TTN: variants seen among roughly 807,000 people sequenced by gnomAD.
The protein encoded by TTN is titin.
TTN carries 1,525 observed loss-of-function variants against 3,223.0 expected under a neutral mutation model. The observed-to-expected ratio is 0.47, with a 90% CI of 0.45 to 0.49. The LOEUF (loss-of-function observed/expected upper bound fraction) is 0.49. Among genes scored for constraint, TTN ranks in the 20% least tolerant of loss-of-function variants. The pLI, the probability that TTN is intolerant of heterozygous loss-of-function variation, is 0.00. For synonymous variants in TTN, 14,094 were observed against 15,161.0 expected (o/e 0.93, Z 5.17); for missense variants, 40,786 against 43,424.0 (o/e 0.94, Z 5.40).
Position 178,570,497 on chromosome 2 carries a change from A to G in TTN, c.75635T>C (p.Val25212Ala). Residue 25212 changes from valine (V) to alanine (A), a missense_variant, in exon 326 of 363, where the codon GTT becomes GCT. Transcript: ENST00000589042. The part of the protein sequence containing the change: ...LDRPGPPEGP[V>A]VISGVTAEKC... ...TTCTGCTGTAACTCCTGAGATAACA[A>G]CAGGTCCTTCAGGTGGCCCTGGTCT... is the stretch of plus-strand genomic sequence containing the variant. 1 of 1,613,300 alleles carries G rather than the reference A, an allele frequency of 6.2e-7. No individual in the cohort carries two copies. The highest frequency in any genetic ancestry group is 8.5e-7 in the Non-Finnish European group (1 of 1,179,588).
At position 178,568,399 on chromosome 2, in the gene TTN, A is replaced by C. The variant is rs1401285498; in HGVS notation, c.77733T>G (p.Ser25911=). 1 of 1,613,192 alleles carries C rather than the reference A, an allele frequency of 6.2e-7. No homozygotes were observed. The part of the protein sequence containing the change: ...DDVSAESITL[S]WNPPLYTGGC... ...CCCCTGTATATAATGGAGGGTTCCA[A>C]GATAATGTAATACTTTCAGCACTGA... Residue 25911 remains serine, a synonymous_variant, in exon 326 of 363, where the codon TCT becomes TCG. Coordinates refer to ENST00000589042, the MANE Select transcript of TTN (RefSeq NM_001267550.2).
chr2:178,562,121 T>C lies in TTN; in HGVS notation c.84011A>G (p.Lys28004Arg), dbSNP rs776987640. Residue 28004 changes from lysine (K) to arginine (R), a missense_variant, in exon 326 of 363, where the codon AAA (lysine) becomes AGA (arginine). By Grantham distance (26) the Lys-to-Arg change is conservative. Coordinates refer to ENST00000589042, the MANE Select transcript of TTN (RefSeq NM_001267550.2). ...AGAAACATTGACTCTAGTTGTCTCT[T>C]TAAGAGTCTGACCATCTTTTCTCCA... is the stretch of plus-strand genomic sequence containing the variant. Reference protein sequence around the residue: ...VNWRKDGQTLKETTRVNVSSS... With the variant: ...VNWRKDGQTLRETTRVNVSSS... The C allele has an allele frequency of 6.2e-7, 1 of 1,613,160 alleles. No individual in the cohort carries two copies. The highest frequency in any genetic ancestry group is 8.5e-7 in the Non-Finnish European group (1 of 1,179,584).
At chr2:178,730,473 G>A (rs1349878932) in intron 61 of TTN, 32 bp downstream of exon 61, 2 of 1,573,530 alleles carry the variant, frequency 1.3e-6, no homozygotes, top group Non-Finnish European at 1.7e-6. Flanking sequence ...TATTTTGTAA[G>A]TTCTTGATAA....
intron 47 of TTN, chr2:178,746,901 A>G (rs1278398453): frequency 6.2e-7 from 1 of 1,613,408 alleles, no homozygotes; most frequent in Non-Finnish European, 8.5e-7. Flanking sequence ...GGTGTACCAA[A>G]TGAATCGGAA....
Position 178,607,070 on chromosome 2 carries a change from G to A in TTN, c.53532C>T (p.Gly17844=), listed in dbSNP as rs780936962. ...GTCCTATTTCAACAGGAGGGCCACA[G>A]CCAAACTTGTTCTTGGCAATAACAC... The part of the protein sequence containing the change: ...KFRVIAKNKF[G]CGPPVEIGPI... Residue 17844 remains glycine (G), a synonymous_variant, in exon 278 of 363, where the codon GGC becomes GGT. Transcript: ENST00000589042. 4 of 1,611,960 alleles carry A rather than the reference G, an allele frequency of 2.5e-6. No individual in the cohort carries two copies. The highest frequency in any genetic ancestry group is 1.3e-5 in the African/African-American group (1 of 74,814).
intron 42 of TTN, 62 bp from the exon 43 acceptor site, chr2:178,764,364 AG>A (rs1218516838): frequency 6.2e-7 from 1 of 1,612,832 alleles, no homozygotes. Flanking sequence ...CACAGAAGGG[AG>A]CATGTAGGTT....
chr2:178,625,158 A>C (rs1225497437), intron 241 of TTN, 115 bp downstream of exon 241: 1 of 1,376,920 alleles, frequency 7.3e-7, no homozygotes, highest in Non-Finnish European at 9.7e-7. Context: ...CAGACTTTTG[A>C]TTATTTGGTT....
In TTN at chr2:178,533,933, C is replaced by G. The variant is rs555664963; in HGVS notation, c.102682G>C (p.Gly34228Arg). 9 of 1,613,858 alleles carry G rather than the reference C, an allele frequency of 5.6e-6. No individual in the cohort carries two copies. The highest frequency in any genetic ancestry group is 5.0e-5 in the Admixed American group (3 of 60,012). ...DSSYAELFVK[G>R]VREVYDYYCR... is the part of the protein sequence containing the mutation. Reference sequence around the variant, plus strand: ...TAATAGTCATAGACTTCTCTCACACCTTTAACAAATAGCTCTGCATAAGAA... The same window carrying G: ...TAATAGTCATAGACTTCTCTCACACGTTTAACAAATAGCTCTGCATAAGAA... Residue 34228 changes from glycine to arginine, a missense_variant, in exon 358 of 363, where the codon GGT (glycine) becomes CGT (arginine). Gly to Arg is a moderately radical substitution (Grantham distance 125, BLOSUM62 -2). Transcript: ENST00000589042.
chr2:178,633,096 T>C (rs1454480032), intron 233 of TTN, 52 bp from the exon 234 acceptor site: 3 of 1,601,762 alleles, frequency 1.9e-6, no homozygotes, highest in Non-Finnish European at 2.6e-6. Flanking sequence ...TATATAGTTA[T>C]TCCTACAAAT....
Position 178,579,793 on chromosome 2 carries a change from A to G in TTN, c.67404T>C (p.Cys22468=). Residue 22468 remains cysteine, a synonymous_variant, in exon 319 of 363, where the codon TGT becomes TGC. Transcript: ENST00000589042. ...LKVRSVSKSS[C]SIGWKKPHSD... ...TGTGAGGCTTTTTCCAGCCAATGCT[A>G]CAGGATGACTTAGATACAGACCTCA... 1.9e-6 allele frequency: 3 copies of G among 1,613,312 alleles called. No homozygotes were observed. The highest frequency in any genetic ancestry group is 1.7e-6 in the Non-Finnish European group (2 of 1,179,480).
At chr2:178,760,274 G>A (rs556900875) in intron 43 of TTN, among the ~76,000 whole-genome samples, 1 of 152,332 alleles carries the variant, frequency 6.6e-6, no homozygotes, top group East Asian at 1.9e-4. Flanking sequence ...CTTCACACCT[G>A]TAATCCCAGC....
intron 146 of TTN, 67 bp downstream of exon 146, chr2:178,677,554 C>A (rs560005015): frequency 9.5e-6 from 14 of 1,474,602 alleles, no homozygotes; most frequent in Non-Finnish European, 1.1e-5. Flanking sequence ...TGGAGATGAA[C>A]AAAAGGATGG....
chr2:178,748,349 T>C, intron 47 of TTN: 1 of 1,613,188 alleles, frequency 6.2e-7, no homozygotes, highest in Non-Finnish European at 8.5e-7. Flanking sequence ...CATAGTTCTA[T>C]TTGAAAGCTC....
At chr2:178,735,042 C>T (rs770158594) in intron 50 of TTN, 54 bp from the exon 51 acceptor site, 177 of 1,466,334 alleles carry the variant, frequency 1.2e-4, no homozygotes, top group Middle Eastern at 1.8e-4. Context: ...ACATAAACTC[C>T]GCAAAAGAAA....
intron 150 of TTN, among the ~76,000 whole-genome samples, chr2:178,674,741 A>G (rs905733057): frequency 6.6e-6 from 1 of 151,658 alleles, no homozygotes; most frequent in African/African-American, 2.4e-5. Flanking sequence ...GGATAAGCTT[A>G]TTTTACAGTT....
chr2:178,766,762 C>T, intron 40 of TTN, 150 bp from the exon 41 acceptor site: 1 of 671,696 alleles, frequency 1.5e-6, no homozygotes, highest in Non-Finnish European at 2.6e-6. Flanking sequence ...TTATAGCACT[C>T]TCTAATTTTT....
Position 178,632,804 on chromosome 2 carries a change from G to C in TTN, c.43214-12C>G. 1 of 1,612,812 alleles carries C rather than the reference G, an allele frequency of 6.2e-7. No individual in the cohort carries two copies. Among genetic ancestry groups the C allele is most frequent in the South Asian group, 1.1e-5 (1 of 91,006 alleles). ...GATAAGAGGCAATTCTGAAAGAAGT[G>C]GACAGTGGATGAAGTCAGAATACGT... On this transcript the variant is annotated splice_polypyrimidine_tract_variant and intron_variant, in intron 234 of 362. Transcript: ENST00000589042.
Position 178,619,686 on chromosome 2 carries a change from C to A in TTN, c.46631G>T (p.Arg15544Leu). 1 of 1,612,234 alleles carries A rather than the reference C, an allele frequency of 6.2e-7. No individual in the cohort carries two copies. Among genetic ancestry groups the A allele is most frequent in the Non-Finnish European group, 8.5e-7 (1 of 1,178,844 alleles). The change falls in exon 250 of 363, where the codon CGT becomes CTT. Residue 15544 changes from arginine (R) to leucine (L), a missense_variant. Physicochemically the swap from Arg to Leu is moderately radical, Grantham distance 102. Coordinates refer to ENST00000589042, the MANE Select transcript of TTN (RefSeq NM_001267550.2). ...HRLQICDIKP[R>L]DQGEYRFIAK... ...AATAAATCTGTATTCACCCTGGTCACGGGGCTTAATATCACAAATCTGTAG... is the reference window on the plus strand; with the variant it reads ...AATAAATCTGTATTCACCCTGGTCAAGGGGCTTAATATCACAAATCTGTAG...
chr2:178,777,151 G>A lies in TTN; in HGVS notation c.4812C>T (p.Ile1604=). 6.2e-7 allele frequency: 1 copy of A among 1,614,066 alleles called. No homozygotes were observed. The highest frequency in any genetic ancestry group is 8.5e-7 in the Non-Finnish European group (1 of 1,179,968). Reference sequence around the variant, plus strand: ...AGCTTTATTATTTCCATACTTACCTGATTTTGGGATATTTATGAGGCACAA... The same window carrying A: ...AGCTTTATTATTTCCATACTTACCTAATTTTGGGATATTTATGAGGCACAA... ...DIIVPHKYPK[I]RIEGTKGEAA... The change falls in exon 27 of 363, where the codon ATC becomes ATT. Residue 1604 remains isoleucine (I), a splice_region_variant and synonymous_variant. Transcript: ENST00000589042.
Sources: allele counts gnomAD v4.1 joint callset (sites outside exome capture counted in the v4.1 genomes callset), GRCh38; gene constraint gnomAD v4.1.1; transcripts MANE v1.5; gene names NCBI Gene and HGNC (gene_info 2026-07-23, HGNC 2026-07-21).